P3H2: variants seen among roughly 807,000 people sequenced by gnomAD.
P3H2 encodes prolyl 3-hydroxylase 2, also known as leprecan-like 1.
Under a neutral mutation model 87.0 loss-of-function variants are expected in P3H2, and 80 were observed. That is an observed-to-expected ratio of 0.92 (90% CI 0.77 to 1.11). The LOEUF (loss-of-function observed/expected upper bound fraction) is 1.11. P3H2 is among the 50% of genes least tolerant of loss of function. The probability of loss-of-function intolerance (pLI) is 0.00; values close to 1 mark genes in which losing one functional copy is unlikely to be tolerated. For synonymous variants in P3H2, 367 were observed against 359.3 expected, an observed-to-expected ratio of 1.02 and a Z score of -0.24; for missense variants, 1,001 against 923.9, an observed-to-expected ratio of 1.08 and a Z score of -1.08.
At chr3:189,995,263 G>A (rs955874172) in intron 2 of P3H2, 27 bp downstream of exon 2, 1 of 1,612,978 alleles carries the variant, frequency 6.2e-7, no homozygotes, top group South Asian at 1.1e-5. Flanking sequence ...GCTCCCTGTG[G>A]TGAGGGCAGG....
chr3:190,066,947 G>T (rs6804829), intron 1 of P3H2, among the ~76,000 whole-genome samples: 1 of 151,522 alleles, frequency 6.6e-6, no homozygotes, highest in Non-Finnish European at 1.5e-5. Context: ...TTTGACAGTC[G>T]CTGGATGGAC....
At position 190,107,978 on chromosome 3, in the gene P3H2, A is replaced by T. The variant is rs1041698621; in HGVS notation, c.480+12274T>A. On this transcript the variant is annotated intron_variant, in intron 1 of 14. Transcript: ENST00000319332. ...AATTACCAGTATTTTATTTTTACTT[A>T]TTTTTTTTTTTAGACACAGGGTTCC... 2.7e-4 allele frequency among the ~76,000 whole-genome samples: 39 copies of T among 145,176 alleles called. 1 individual carries two copies. The highest frequency in any genetic ancestry group is 6.9e-5 in the Admixed American group (1 of 14,488).
At chr3:190,063,675 C>T (rs113432274) in intron 1 of P3H2, among the ~76,000 whole-genome samples, 8 of 152,106 alleles carry the variant, frequency 5.3e-5, no homozygotes, top group Non-Finnish European at 1.2e-4. Context: ...AGTCTCCTCA[C>T]GCCCACTGTG....
At chr3:190,102,372 G>A (rs140211669) in intron 1 of P3H2, among the ~76,000 whole-genome samples, 21 of 152,258 alleles carry the variant, frequency 1.4e-4, no homozygotes, top group African/African-American at 4.6e-4. Context: ...AATAGCATTC[G>A]TGATTCATAA....
chr3:190,096,944 C>A (rs971292349), intron 1 of P3H2, among the ~76,000 whole-genome samples: 3 of 152,126 alleles, frequency 2.0e-5, no homozygotes, highest in Non-Finnish European at 2.9e-5. Flanking sequence ...AGCTTTGTGT[C>A]TACAAAGAAC....
Position 190,041,058 on chromosome 3 carries a change from ACACACACACACACACACACACACTCT to A in P3H2, c.481-45642_481-45617del, listed in dbSNP as rs1349391158. Among the ~76,000 whole-genome samples the A allele has an allele frequency of 2.7e-4, 12 of 43,978 alleles. 1 individual carries two copies. Among genetic ancestry groups the A allele is most frequent in the African/African-American group, 1.2e-3 (9 of 7,322 alleles). 28.9% of individuals were successfully genotyped at this position (43,978 alleles called of 152,430 possible). A position where few individuals can be genotyped will look rare whatever the true frequency, so the allele number is the denominator to read the frequency against. Reference sequence around the variant, plus strand: ...TATATACACACACACACACACACACACACACACACACACACACACACACTCTCTCTCTCTATATATATATATATACT... The same window carrying A: ...TATATACACACACACACACACACACACTCTCTCTATATATATATATATACT... On this transcript the variant is annotated intron_variant, in intron 1 of 14. Coordinates refer to ENST00000319332, the MANE Select transcript of P3H2 (RefSeq NM_018192.4).
intron 1 of P3H2, among the ~76,000 whole-genome samples, chr3:190,119,407 T>C (rs1419853793): frequency 1.3e-5 from 2 of 151,082 alleles, no homozygotes; most frequent in Non-Finnish European, 3.0e-5. Context: ...GCAGTGGAGG[T>C]TGAAGAACTC....
At chr3:189,963,322 G>A (rs1722871230) in intron 14 of P3H2, 1 of 153,154 alleles carries the variant, frequency 6.5e-6, no homozygotes, top group Non-Finnish European at 1.5e-5. Flanking sequence ...AGGTTTCCTT[G>A]CCCTCTTTCA....
upstream of P3H2, among the ~76,000 whole-genome samples, chr3:190,121,844 C>A (rs1487497192): frequency 3.9e-5 from 6 of 152,192 alleles, no homozygotes; most frequent in Admixed American, 2.6e-4. Flanking sequence ...GTAATCCCAG[C>A]ACTTTGGGAG....
At chr3:189,984,665 T>A in intron 6 of P3H2, 75 bp from the exon 7 acceptor site, 6 of 1,015,092 alleles carry the variant, frequency 5.9e-6, no homozygotes, top group Non-Finnish European at 7.8e-6. Context: ...TAAGATAAAA[T>A]AAAATATGCA....
chr3:189,972,991 C>G lies in P3H2; in HGVS notation c.1582G>C (p.Ala528Pro), dbSNP rs199877373. 1.2e-6 allele frequency: 2 copies of G among 1,612,820 alleles called. No individual in the cohort carries two copies. Among genetic ancestry groups the G allele is most frequent in the Non-Finnish European group, 8.5e-7 (1 of 1,179,690 alleles). ...TCGCTGATGTCATAAAACAGACGAGCGCTCTTCAGTGGGACTCGACCTTCA... is the reference window on the plus strand; with the variant it reads ...TCGCTGATGTCATAAAACAGACGAGGGCTCTTCAGTGGGACTCGACCTTCA... Reference protein sequence around the residue: ...GYEGRVPLKSARLFYDISEKA... With the variant: ...GYEGRVPLKSPRLFYDISEKA... The change falls in exon 11 of 15, where the codon GCT (alanine) becomes CCT (proline). Residue 528 changes from alanine (A) to proline (P), a missense_variant. Physicochemically the swap from Ala to Pro is conservative, Grantham distance 27 (BLOSUM62 -1). Transcript: ENST00000319332.
At chr3:190,019,774 A>G (rs1724877274) in intron 1 of P3H2, among the ~76,000 whole-genome samples, 1 of 72,308 alleles carries the variant, frequency 1.4e-5, no homozygotes, top group African/African-American at 4.9e-5. Flanking sequence ...GACATTACCT[A>G]GAAATTAAAA....
intron 1 of P3H2, among the ~76,000 whole-genome samples, chr3:190,068,380 A>C (rs1490685186): frequency 6.6e-6 from 1 of 152,174 alleles, no homozygotes; most frequent in African/African-American, 2.4e-5. Context: ...TAACCTCGAC[A>C]GCCACTCTAT....
chr3:190,117,704 T>C (rs1345053570), intron 1 of P3H2, among the ~76,000 whole-genome samples: 1 of 135,808 alleles, frequency 7.4e-6, no homozygotes, highest in Non-Finnish European at 1.5e-5. Context: ...TAAGTGAAAT[T>C]CCAAGGAAGC....
At chr3:190,051,165 A>G (rs1050566152) in intron 1 of P3H2, among the ~76,000 whole-genome samples, 1 of 152,214 alleles carries the variant, frequency 6.6e-6, no homozygotes, top group Non-Finnish European at 1.5e-5. Flanking sequence ...ATGCCATTTG[A>G]TGCGGGTACA....
intron 1 of P3H2, among the ~76,000 whole-genome samples, chr3:190,041,708 T>G (rs1725641969): frequency 6.6e-6 from 1 of 152,216 alleles, no homozygotes; most frequent in South Asian, 2.1e-4. Flanking sequence ...TTTTATATGG[T>G]TTTTTATGTT....
chr3:189,963,522 G>A (rs1722877971), intron 14 of P3H2: 1 of 200,398 alleles, frequency 5.0e-6, no homozygotes, highest in East Asian at 1.1e-4. Context: ...TCGGCTTACT[G>A]CAATTTACGC....
Position 189,971,978 on chromosome 3 carries a change from GACTGAGGTCATT to G in P3H2, c.1717_1728del (p.Asn573_Ser576del). ...AAACAGTTGTCAGCATGGATGGGATGACTGAGGTCATTTCTTCTATCCTGCTGACCTGCCAGA... is the reference window on the plus strand; with the variant it reads ...AAACAGTTGTCAGCATGGATGGGATGTCTTCTATCCTGCTGACCTGCCAGA... On this transcript the variant is annotated inframe_deletion, in exon 12 of 15. Transcript: ENST00000319332. 1 of 1,613,056 alleles carries G rather than the reference GACTGAGGTCATT, an allele frequency of 6.2e-7. No homozygotes were observed. Among genetic ancestry groups the G allele is most frequent in the Non-Finnish European group, 8.5e-7 (1 of 1,179,028 alleles).
chr3:189,968,280 T>A (rs941499519), intron 13 of P3H2, among the ~76,000 whole-genome samples: 14 of 152,138 alleles, frequency 9.2e-5, no homozygotes, highest in Non-Finnish European at 1.6e-4. Context: ...TGGTGTGTGA[T>A]GTTACCCTCC....
Sources: allele counts gnomAD v4.1 joint callset (sites outside exome capture counted in the v4.1 genomes callset), GRCh38; gene constraint gnomAD v4.1.1; transcripts MANE v1.5; gene names NCBI Gene and HGNC (gene_info 2026-07-23, HGNC 2026-07-21).